Variants in PHKB observed in about 807,000 individuals in gnomAD.
PHKB encodes the protein phosphorylase b kinase regulatory subunit beta.
PHKB carries 122 observed loss-of-function variants against 152.1 expected under a neutral mutation model. That is an observed-to-expected ratio of 0.80 (90% CI 0.69 to 0.93). PHKB has a LOEUF of 0.93. Ranked by LOEUF, PHKB falls within the 40% of genes least tolerant of loss-of-function variation. PHKB has a pLI of 0.00. For synonymous variants in PHKB, 436 were observed against 464.9 expected, an observed-to-expected ratio of 0.94 and a Z score of 0.80; for missense variants, 1,304 against 1,328.4, an observed-to-expected ratio of 0.98 and a Z score of 0.29.
At chr16:47,648,732 C>T (rs1597149578) in intron 17 of PHKB, 116 bp downstream of exon 17, 1 of 748,452 alleles carries the variant, frequency 1.3e-6, no homozygotes, top group East Asian at 2.5e-5. Flanking sequence ...GACTACTTAT[C>T]TGAAGTATTA....
chr16:47,483,300 G>A lies in PHKB; in HGVS notation c.77-14099G>A, dbSNP rs371876445. Among the ~76,000 whole-genome samples the A allele has an allele frequency of 7.2e-5, 11 of 151,866 alleles. No individual in the cohort carries two copies. The East Asian group carries it at 1.6e-3, about 21-fold the overall frequency. On this transcript the variant is annotated intron_variant, in intron 1 of 30. Coordinates refer to ENST00000323584, the MANE Select transcript of PHKB (RefSeq NM_000293.3). ...TGACCTCAGGTGATCCACCTGCCTC[G>A]GCCTCCCAAAGTACTGGTATTATGG... is the stretch of plus-strand genomic sequence containing the variant.
Position 47,648,613 on chromosome 16 carries a change from A to C in PHKB, c.1689A>C (p.Ser563=), listed in dbSNP as rs749014643. The C allele has an allele frequency of 6.2e-7, 1 of 1,606,728 alleles. No individual in the cohort carries two copies. The highest frequency in any genetic ancestry group is 8.5e-7 in the Non-Finnish European group (1 of 1,173,342). Residue 563 remains serine (S), a synonymous_variant, in exon 17 of 31, where the codon TCA becomes TCC. Coordinates refer to ENST00000323584, the MANE Select transcript of PHKB (RefSeq NM_000293.3). Reference sequence around the variant, plus strand: ...GGCCCATTGGCTGCCTCGGGACATCAAAGGTACTCATGAAATGTCCTCAAA... The same window carrying C: ...GGCCCATTGGCTGCCTCGGGACATCCAAGGTACTCATGAAATGTCCTCAAA... The part of the protein sequence containing the change: ...PDRPIGCLGT[S]KIYRILGKTV...
chr16:47,665,368 T>C (rs1973520476), intron 25 of PHKB: 1 of 223,784 alleles, frequency 4.5e-6, no homozygotes, highest in Admixed American at 5.3e-5. Context: ...GTTCTAAGAC[T>C]TTTTCAGTAA....
rs373862201 is a variant in PHKB, at chr16:47,660,687, A to G, written c.2064A>G (p.Leu688=). 4.5e-5 allele frequency: 72 copies of G among 1,614,166 alleles called. 1 individual carries two copies. The South Asian group carries it at 7.5e-4, about 17-fold the overall frequency. ...ELPEFKSFEE[L]EPPKHSKVKR... ...CAGAATTTAAGAGTTTTGAGGAACTAGAACCTCCCAAACATTCAAAAGTCA... is the reference window on the plus strand; with the variant it reads ...CAGAATTTAAGAGTTTTGAGGAACTGGAACCTCCCAAACATTCAAAAGTCA... Residue 688 remains leucine (L), a synonymous_variant, in exon 22 of 31, where the codon CTA becomes CTG. Transcript: ENST00000323584.
intron 20 of PHKB, among the ~76,000 whole-genome samples, chr16:47,655,528 A>C (rs1973320106): frequency 6.6e-6 from 1 of 152,218 alleles, no homozygotes; most frequent in South Asian, 2.1e-4. Context: ...ACAAATTACA[A>C]AGACAGTGCA....
chr16:47,580,642 TCATTTTGTAGAAGGTTTCA>T (rs920916990), intron 8 of PHKB, among the ~76,000 whole-genome samples: 4 of 151,976 alleles, frequency 2.6e-5, no homozygotes, highest in African/African-American at 9.6e-5. Flanking sequence ...AATCTATTAC[TCATTTTGTAGAAGGTTTCA>T]CATTTTTTAA....
chr16:47,551,000 G>A (rs1971261005), intron 7 of PHKB, among the ~76,000 whole-genome samples: 1 of 152,142 alleles, frequency 6.6e-6, no homozygotes, highest in African/African-American at 2.4e-5. Context: ...TAGTTTATTT[G>A]CGTAGAGGTG....
At chr16:47,560,216 G>A (rs1167277656) in intron 7 of PHKB, among the ~76,000 whole-genome samples, 2 of 152,294 alleles carry the variant, frequency 1.3e-5, no homozygotes, top group Non-Finnish European at 2.9e-5. Context: ...TTTTAAAGCC[G>A]CTCTGGGCTT....
intron 14 of PHKB, among the ~76,000 whole-genome samples, chr16:47,631,430 A>G (rs1972824696): frequency 6.6e-6 from 1 of 152,228 alleles, no homozygotes; most frequent in Admixed American, 6.5e-5. Context: ...TAATTCCTTA[A>G]CATTCCAAAC....
chr16:47,536,331 G>A (rs529314874), intron 6 of PHKB, among the ~76,000 whole-genome samples: 1 of 152,262 alleles, frequency 6.6e-6, no homozygotes, highest in South Asian at 2.1e-4. Context: ...GATTACAGGC[G>A]TGAGCCACCG....
chr16:47,584,984 GTGGTTGTTC>G (rs1405713921), intron 8 of PHKB, among the ~76,000 whole-genome samples: 1 of 152,228 alleles, frequency 6.6e-6, no homozygotes, highest in East Asian at 1.9e-4. Flanking sequence ...TGTCTCAAAA[GTGGTTGTTC>G]TGGTCATGGG....
At chr16:47,568,822 G>A (rs1302689258) in intron 7 of PHKB, among the ~76,000 whole-genome samples, 1 of 152,138 alleles carries the variant, frequency 6.6e-6, no homozygotes, top group Non-Finnish European at 1.5e-5. Context: ...TCATGTATTT[G>A]TGTAGTTTTG....
intron 1 of PHKB, among the ~76,000 whole-genome samples, chr16:47,467,107 C>T (rs1444561679): frequency 6.6e-6 from 1 of 152,128 alleles, no homozygotes; most frequent in African/African-American, 2.4e-5. Flanking sequence ...TATTTAGTAA[C>T]TGCGCAATAA....
At chr16:47,582,326 A>T (rs1027833575) in intron 8 of PHKB, among the ~76,000 whole-genome samples, 6 of 152,196 alleles carry the variant, frequency 3.9e-5, no homozygotes, top group African/African-American at 9.7e-5. Context: ...ACTCACACAC[A>T]TACATACAAG....
At chr16:47,668,876 A>T (rs943100612) in intron 25 of PHKB, among the ~76,000 whole-genome samples, 1 of 152,218 alleles carries the variant, frequency 6.6e-6, no homozygotes, top group East Asian at 1.9e-4. Flanking sequence ...TCTTCAACCT[A>T]TTCTGGTTTC....
Position 47,693,299 on chromosome 16 carries a change from A to G in PHKB, c.2766-79A>G, listed in dbSNP as rs1974093902. Reference sequence around the variant, plus strand: ...TTTTATTTCTTACCCTATCAGAACAATTAGTTCATATTGAAAGCCCTGCTG... The same window carrying G: ...TTTTATTTCTTACCCTATCAGAACAGTTAGTTCATATTGAAAGCCCTGCTG... On this transcript the variant is annotated intron_variant, in intron 27 of 30. Transcript: ENST00000323584. 12 of 1,422,592 alleles carry G rather than the reference A, an allele frequency of 8.4e-6. No individual in the cohort carries two copies. The South Asian group carries it at 1.3e-4, about 15-fold the overall frequency. The allele number at this position is 1,422,592 out of a possible 1,614,324, so 88.1% of individuals were successfully genotyped here. A position where few individuals can be genotyped will look rare whatever the true frequency, so the allele number is the denominator to read the frequency against.
At position 47,610,748 on chromosome 16, in the gene PHKB, T is replaced by C; in HGVS notation, c.1364-78T>C. The C allele has an allele frequency of 5.0e-6, 4 of 800,628 alleles. No individual in the cohort carries two copies. The South Asian group carries it at 5.6e-5, about 11-fold the overall frequency. The allele number at this position is 800,628 out of a possible 1,614,324, so 49.6% of individuals were successfully genotyped here. A position where few individuals can be genotyped will look rare whatever the true frequency, so the allele number is the denominator to read the frequency against. ...AATGTATATTCTTCTCTTGTTGGAG[T>C]ATTTTCTAAAAGTCTAGTTGGTTTA... On this transcript the variant is annotated intron_variant, in intron 13 of 30. Transcript: ENST00000323584.
rs1056495023 is a variant in PHKB at position 47,701,271 on chromosome 16, A to T, written c.*1905A>T. 17 of 152,346 alleles carry T rather than the reference A, an allele frequency of 1.1e-4. No individual in the cohort carries two copies. Among genetic ancestry groups the T allele is most frequent in the African/African-American group, 2.2e-4 (9 of 41,582 alleles). The allele number at this position is 152,346 out of a possible 1,614,324, so 9.4% of individuals were successfully genotyped here. A position where few individuals can be genotyped will look rare whatever the true frequency, so the allele number is the denominator to read the frequency against. On this transcript the variant is annotated 3_prime_UTR_variant, in exon 31 of 31. Coordinates refer to ENST00000323584, the MANE Select transcript of PHKB (RefSeq NM_000293.3). ...GTGTTGTAGTTTTAAGAATTTTTTTAAAAAATCTGATTAGCTGAGCAAAGT... is the reference window on the plus strand; with the variant it reads ...GTGTTGTAGTTTTAAGAATTTTTTTTAAAAATCTGATTAGCTGAGCAAAGT...
In PHKB at chr16:47,594,156, TA is replaced by T; in HGVS notation, c.1148del (p.Lys383SerfsTer10). 6.4e-7 allele frequency: 1 copy of T among 1,559,062 alleles called. No homozygotes were observed. The highest frequency in any genetic ancestry group is 8.8e-7 in the Non-Finnish European group (1 of 1,130,078). On this transcript the variant is annotated frameshift_variant, in exon 12 of 31. Coordinates refer to ENST00000323584, the MANE Select transcript of PHKB (RefSeq NM_000293.3). LOFTEE classifies it high-confidence loss of function. ...MIDGVFRGNP[K>X]QVQEYQDLLT... ...TTTTAGGAGTTTTTAGAGGCAATCC[TA>T]AGCAAGTACAGGAATATCAGGATCT...
Sources: allele counts gnomAD v4.1 joint callset (sites outside exome capture counted in the v4.1 genomes callset), GRCh38; gene constraint gnomAD v4.1.1; transcripts MANE v1.5; gene names NCBI Gene and HGNC (gene_info 2026-07-23, HGNC 2026-07-21).